Variants in WNT2 observed in about 807,000 individuals in gnomAD.
The protein encoded by WNT2 is Wnt family member 2, also known as protein Wnt-2.
In WNT2, 12 loss-of-function variants were observed where a neutral mutation model predicts 36.9. That is an observed-to-expected ratio of 0.33 (90% CI 0.21 to 0.53). The LOEUF is 0.53. WNT2 is among the 20% of genes least tolerant of loss of function. The probability of loss-of-function intolerance (pLI) is 0.95; values close to 1 mark genes in which losing one functional copy is unlikely to be tolerated. For synonymous variants in WNT2, 163 were observed against 174.6 expected (o/e 0.93, Z 0.52); for missense variants, 379 against 473.1 (o/e 0.80, Z 1.84).
At chr7:117,304,643 C>T (rs1348095725) in intron 3 of WNT2, among the ~76,000 whole-genome samples, 3 of 152,172 alleles carry the variant, frequency 2.0e-5, no homozygotes, top group Non-Finnish European at 4.4e-5. Flanking sequence ...ACCATGTTGT[C>T]CAGGCTGATC....
rs191350096 is a variant in WNT2 at position 117,277,919 on chromosome 7, G to A, written c.*236C>T. ...GTCATGCTATTTCCAAAGAGAACTC[G>A]CCAGGAGGGGAGATGACTGCAGAAC... On this transcript the variant is annotated 3_prime_UTR_variant, in exon 5 of 5. Transcript: ENST00000265441. 1.1e-5 allele frequency: 6 copies of A among 550,848 alleles called. No homozygotes were observed. Among genetic ancestry groups the A allele is most frequent in the African/African-American group, 7.6e-5 (4 of 52,876 alleles). The allele number at this position is 550,848 out of a possible 1,614,324, so 34.1% of individuals were successfully genotyped here.
intron 2 of WNT2, among the ~76,000 whole-genome samples, chr7:117,318,340 A>T (rs1795258850): frequency 6.6e-6 from 1 of 152,184 alleles, no homozygotes; most frequent in Admixed American, 6.5e-5. Context: ...GCCCTCCCAT[A>T]ACCAACACAA....
chr7:117,292,533 C>T (rs757304104), intron 4 of WNT2, among the ~76,000 whole-genome samples: 1 of 152,152 alleles, frequency 6.6e-6, no homozygotes, highest in Non-Finnish European at 1.5e-5. Flanking sequence ...CAAATGTTCT[C>T]GCATCCTTCT....
intron 4 of WNT2, among the ~76,000 whole-genome samples, chr7:117,290,403 A>G (rs1301967149): frequency 6.6e-6 from 1 of 152,210 alleles, no homozygotes; most frequent in African/African-American, 2.4e-5. Flanking sequence ...ATATGCCACT[A>G]AAGAGTTTGA....
chr7:117,300,466 T>C (rs1408442624), intron 3 of WNT2, among the ~76,000 whole-genome samples: 1 of 152,062 alleles, frequency 6.6e-6, no homozygotes, highest in Non-Finnish European at 1.5e-5. Flanking sequence ...ATTACAGGCG[T>C]GAGCCATCGT....
rs748876580 is a variant in WNT2 at position 117,277,298 on chromosome 7, AAATTATTT to A, written c.*849_*856del. The A allele has an allele frequency of 2.0e-5, 3 of 152,210 alleles. No individual in the cohort carries two copies. The highest frequency in any genetic ancestry group is 2.9e-5 in the Non-Finnish European group (2 of 68,032). The allele number at this position is 152,210 out of a possible 1,614,324, so 9.4% of individuals were successfully genotyped here. A position where few individuals can be genotyped will look rare whatever the true frequency, so the allele number is the denominator to read the frequency against. ...ATATACTTCTGATATTCCATCCACT[AAATTATTT>A]TCCACCATATTCACCCAATAGTTAC... On this transcript the variant is annotated 3_prime_UTR_variant, in exon 5 of 5. Transcript: ENST00000265441.
chr7:117,291,677 G>T (rs1303359990), intron 4 of WNT2, among the ~76,000 whole-genome samples: 1 of 152,210 alleles, frequency 6.6e-6, no homozygotes, highest in Non-Finnish European at 1.5e-5. Context: ...TTGAACCTCA[G>T]AGCACTCACT....
rs772146656 is a variant in WNT2, at chr7:117,320,677, T to A, written c.200A>T (p.Gln67Leu). 1 of 1,613,874 alleles carries A rather than the reference T, an allele frequency of 6.2e-7. No individual in the cohort carries two copies. Among genetic ancestry groups the A allele is most frequent in the Non-Finnish European group, 8.5e-7 (1 of 1,179,958 alleles). ...RHPDVMRAISQGVAEWTAECQ... is the reference protein window; with the variant it reads ...RHPDVMRAISLGVAEWTAECQ... ...TTCTGCTGTCCACTCGGCCACGCCC[T>A]GGCTAATGGCACGCATCACATCTGG... The change falls in exon 2 of 5, where the codon CAG becomes CTG. Residue 67 changes from glutamine (Q) to leucine (L), a missense_variant. Gln to Leu is a moderately radical substitution (Grantham distance 113). Coordinates refer to ENST00000265441, the MANE Select transcript of WNT2 (RefSeq NM_003391.3).
In WNT2 at chr7:117,315,342, C is replaced by A. The variant is rs898097567; in HGVS notation, c.317G>T (p.Arg106Leu). Reference protein sequence around the residue: ...LFGRVLLRSSRESAFVYAISS... With the variant: ...LFGRVLLRSSLESAFVYAISS... ...GATGGCATAAACAAAGGCAGATTCC[C>A]GACTACCTGAAACAAAAATGCTTTT... is the stretch of plus-strand genomic sequence containing the variant. The change falls in exon 3 of 5, where the codon CGG becomes CTG. Residue 106 changes from arginine (R) to leucine (L), a missense_variant. By Grantham distance (102) the Arg-to-Leu change is moderately radical. Transcript: ENST00000265441. 3.1e-6 allele frequency: 5 copies of A among 1,611,216 alleles called. No homozygotes were observed. Among genetic ancestry groups the A allele is most frequent in the African/African-American group, 1.3e-5 (1 of 74,714 alleles).
At chr7:117,313,127 C>T (rs779197868) in intron 3 of WNT2, among the ~76,000 whole-genome samples, 1 of 152,228 alleles carries the variant, frequency 6.6e-6, no homozygotes, top group Non-Finnish European at 1.5e-5. Flanking sequence ...TGCCTTCAAA[C>T]AAGCCCAGGC....
At chr7:117,294,968 G>A (rs1794761177) in intron 4 of WNT2, among the ~76,000 whole-genome samples, 1 of 152,208 alleles carries the variant, frequency 6.6e-6, no homozygotes, top group African/African-American at 2.4e-5. Context: ...ACACATGCCT[G>A]TAATCACAGC....
intron 4 of WNT2, among the ~76,000 whole-genome samples, chr7:117,293,439 G>A (rs1463384115): frequency 6.6e-6 from 1 of 152,136 alleles, no homozygotes; most frequent in East Asian, 1.9e-4. Flanking sequence ...TGAATATTAA[G>A]TGTGCACGAT....
intron 3 of WNT2, among the ~76,000 whole-genome samples, chr7:117,307,666 C>T (rs1795039518): frequency 6.6e-6 from 1 of 152,178 alleles, no homozygotes; most frequent in Admixed American, 6.5e-5. Flanking sequence ...GAAGACTGAG[C>T]CCAAGCAGCC....
chr7:117,289,102 C>T (rs947931278), intron 4 of WNT2, among the ~76,000 whole-genome samples: 3 of 125,802 alleles, frequency 2.4e-5, no homozygotes, highest in African/African-American at 9.2e-5. Context: ...CTCTGTTGCT[C>T]AGGCTGGAGT....
Position 117,278,369 on chromosome 7 carries a change from G to A in WNT2, c.869C>T (p.Ala290Val), listed in dbSNP as rs1434162773. Residue 290 changes from alanine to valine, a missense_variant, in exon 5 of 5, where the codon GCA becomes GTA. Transcript: ENST00000265441. ...GGAAGTCAGGTTGCACACACGGCCT[G>A]CTGTACCCAGGGAGCCTGGAAGACA... ...RDREAGSLGT[A>V]GRVCNLTSRG... 4.3e-6 allele frequency: 7 copies of A among 1,613,526 alleles called. No individual in the cohort carries two copies. Among genetic ancestry groups the A allele is most frequent in the Non-Finnish European group, 5.9e-6 (7 of 1,179,828 alleles).
At chr7:117,289,618 CTG>C in intron 4 of WNT2, among the ~76,000 whole-genome samples, 1 of 152,264 alleles carries the variant, frequency 6.6e-6, no homozygotes, top group South Asian at 2.1e-4. Context: ...TCTAATGAAA[CTG>C]TTTTATGTTT....
intron 3 of WNT2, among the ~76,000 whole-genome samples, chr7:117,305,623 T>C (rs1795001099): frequency 6.6e-6 from 1 of 152,170 alleles, no homozygotes; most frequent in African/African-American, 2.4e-5. Context: ...GAGGTGGGGC[T>C]TGTGGACCAA....
intron 3 of WNT2, among the ~76,000 whole-genome samples, chr7:117,301,645 C>T (rs923836293): frequency 3.9e-5 from 6 of 152,216 alleles, no homozygotes; most frequent in South Asian, 4.2e-4. Flanking sequence ...AAGGAAAATC[C>T]CTGGTCACCC....
Position 117,312,151 on chromosome 7 carries a change from T to C in WNT2, c.588+2920A>G, listed in dbSNP as rs527976539. On this transcript the variant is annotated intron_variant, in intron 3 of 4. Coordinates refer to ENST00000265441, the MANE Select transcript of WNT2 (RefSeq NM_003391.3). ...AGAAGAAAGAGTGAACTAACTTTTT[T>C]GTTTGTTTGTTTGTTTGTTTTGTTT... 3.3e-5 allele frequency among the ~76,000 whole-genome samples: 5 copies of C among 152,090 alleles called. No individual in the cohort carries two copies. In the South Asian group the frequency reaches 1.0e-3, roughly 32 times the overall value.
Sources: gnomAD v4.1 joint callset for allele counts (sites outside exome capture counted in the v4.1 genomes callset) on GRCh38, gnomAD v4.1.1 for gene constraint, MANE v1.5 for transcripts, NCBI Gene and HGNC (gene_info 2026-07-23, HGNC 2026-07-21) for gene names.